The following E2F3 variants were observed in gnomAD, a reference collection of about 807,000 sequenced individuals.
E2F3 encodes the protein transcription factor E2F3.
Under a neutral mutation model 44.4 loss-of-function variants are expected in E2F3, and 11 were observed. The ratio of observed to expected loss-of-function variants is 0.25; its 90% CI spans 0.16 to 0.41. E2F3 has a LOEUF of 0.41. E2F3 is among the 10% of genes least tolerant of loss of function. The probability of loss-of-function intolerance (pLI) is 1.00; values close to 1 mark genes in which losing one functional copy is unlikely to be tolerated. For synonymous variants in E2F3, 249 were observed against 253.0 expected (o/e 0.98, Z 0.15); for missense variants, 487 against 583.6 (o/e 0.83, Z 1.70).
chr6:20,403,280 T>C (rs920424535), intron 1 of E2F3, among the ~76,000 whole-genome samples: 1 of 151,268 alleles, frequency 6.6e-6, no homozygotes, highest in Non-Finnish European at 1.5e-5. Context: ...CTGTCTGGGG[T>C]GAGGGGCTCG....
intron 1 of E2F3, among the ~76,000 whole-genome samples, chr6:20,463,714 C>T (rs1362271490): frequency 6.6e-6 from 1 of 152,170 alleles, no homozygotes; most frequent in Non-Finnish European, 1.5e-5. Context: ...GGGGTACTTT[C>T]CCTAGACATC....
At chr6:20,469,367 T>C (rs1030253415) in intron 1 of E2F3, among the ~76,000 whole-genome samples, 1 of 152,216 alleles carries the variant, frequency 6.6e-6, no homozygotes, top group African/African-American at 2.4e-5. Flanking sequence ...GCATATCACT[T>C]AGAGATACAG....
intron 1 of E2F3, among the ~76,000 whole-genome samples, chr6:20,446,691 G>A (rs985146560): frequency 4.6e-5 from 7 of 152,204 alleles, no homozygotes; most frequent in Non-Finnish European, 7.4e-5. Flanking sequence ...TCAGCCTCCC[G>A]AGTAGCTGGG....
intron 1 of E2F3, among the ~76,000 whole-genome samples, chr6:20,460,532 T>C (rs550663736): frequency 8.5e-5 from 13 of 152,226 alleles, no homozygotes; most frequent in African/African-American, 2.9e-4. Flanking sequence ...GATAAAATGG[T>C]TTATTTAACC....
chr6:20,428,842 T>C (rs994500715), intron 1 of E2F3, among the ~76,000 whole-genome samples: 3 of 152,194 alleles, frequency 2.0e-5, no homozygotes, highest in Non-Finnish European at 2.9e-5. Flanking sequence ...CAGCTTTTTT[T>C]CCCCCTTTTG....
At chr6:20,481,591 G>T (rs1032803140) in intron 3 of E2F3, among the ~76,000 whole-genome samples, 166 bp downstream of exon 3, 3 of 152,028 alleles carry the variant, frequency 2.0e-5, no homozygotes, top group African/African-American at 7.3e-5. Context: ...TAAGCCAGAA[G>T]TTTGAAGTCT....
intron 1 of E2F3, among the ~76,000 whole-genome samples, chr6:20,413,929 G>A (rs1197922644): frequency 6.6e-6 from 1 of 152,174 alleles, no homozygotes; most frequent in East Asian, 1.9e-4. Flanking sequence ...TAACTCCAGG[G>A]GCTGGAAGAA....
rs142727496 is a variant in E2F3, at chr6:20,457,689, C to T, written c.394-22157C>T. ...CCTCCTGAGAAGTCCTTGTTCTGCA[C>T]GAGCTAAAATTCCCATTCAAATAAA... On this transcript the variant is annotated intron_variant, in intron 1 of 6. Coordinates refer to ENST00000346618, the MANE Select transcript of E2F3 (RefSeq NM_001949.5). Among the ~76,000 whole-genome samples the T allele has an allele frequency of 3.2e-4, 48 of 152,098 alleles. 1 individual carries two copies. The highest frequency in any genetic ancestry group is 6.6e-4 in the Non-Finnish European group (45 of 68,014).
rs1249449188 is a variant in E2F3, at chr6:20,492,728, T to A, written c.*2298T>A. On this transcript the variant is annotated 3_prime_UTR_variant, in exon 7 of 7. Transcript: ENST00000346618. ...AAGGAATACTAATAAGTCTTAAAAG[T>A]TCCTTCATGCATAAGATTTTTTTCC... 1 of 231,196 alleles carries A rather than the reference T, an allele frequency of 4.3e-6. No individual in the cohort carries two copies. Among genetic ancestry groups the A allele is most frequent in the Non-Finnish European group, 8.6e-6 (1 of 116,488 alleles). The allele number at this position is 231,196 out of a possible 1,614,324, so 14.3% of individuals were successfully genotyped here. A position where few individuals can be genotyped will look rare whatever the true frequency, so the allele number is the denominator to read the frequency against.
At chr6:20,437,119 C>T (rs955619568) in intron 1 of E2F3, among the ~76,000 whole-genome samples, 7 of 152,196 alleles carry the variant, frequency 4.6e-5, no homozygotes, top group African/African-American at 1.7e-4. Context: ...CAGAGTAAGA[C>T]TCAGTCTCTT....
At chr6:20,432,686 G>A (rs934852424) in intron 1 of E2F3, among the ~76,000 whole-genome samples, 3 of 152,184 alleles carry the variant, frequency 2.0e-5, no homozygotes, top group African/African-American at 7.2e-5. Context: ...GATAGATGGA[G>A]GGAAGGTTAG....
At chr6:20,428,684 C>T (rs535954923) in intron 1 of E2F3, among the ~76,000 whole-genome samples, 13 of 152,208 alleles carry the variant, frequency 8.5e-5, no homozygotes, top group Non-Finnish European at 1.2e-4. Flanking sequence ...GTGCTGAAAA[C>T]AGGTCTCTTG....
chr6:20,469,404 G>C (rs752320895), intron 1 of E2F3, among the ~76,000 whole-genome samples: 1 of 152,182 alleles, frequency 6.6e-6, no homozygotes, highest in East Asian at 1.9e-4. Flanking sequence ...AAATAGTAAA[G>C]GTGGTTCCCC....
chr6:20,486,075 A>G (rs919606754), intron 4 of E2F3, among the ~76,000 whole-genome samples: 1 of 152,146 alleles, frequency 6.6e-6, no homozygotes, highest in Non-Finnish European at 1.5e-5. Context: ...TCAAGATAAA[A>G]TTTCTGACCA....
At chr6:20,433,087 C>T (rs539914669) in intron 1 of E2F3, among the ~76,000 whole-genome samples, 1 of 152,348 alleles carries the variant, frequency 6.6e-6, no homozygotes, top group South Asian at 2.1e-4. Context: ...TGTTGCCCGA[C>T]GCTCACTAGG....
chr6:20,481,146 C>G (rs187344631), intron 2 of E2F3, 60 bp from the exon 3 acceptor site: 849 of 1,494,222 alleles, frequency 5.7e-4, no homozygotes, highest in Non-Finnish European at 7.5e-4. Flanking sequence ...GCAAAGACAC[C>G]CTTCATTTCT....
rs369511194 is a variant in E2F3 at position 20,422,761 on chromosome 6, G to C, written c.393+20136G>C. Among the ~76,000 whole-genome samples the C allele has an allele frequency of 2.6e-3, 391 of 152,238 alleles. 3 individuals are homozygous for C. Among genetic ancestry groups the C allele is most frequent in the African/African-American group, 8.2e-3 (339 of 41,520 alleles). ...TGGAGCATTCAGAACACGCACAATG[G>C]CTATCAATTAAGTTTGCCATTATAT... On this transcript the variant is annotated intron_variant, in intron 1 of 6. Coordinates refer to ENST00000346618, the MANE Select transcript of E2F3 (RefSeq NM_001949.5).
chr6:20,456,973 T>C (rs1761326311), intron 1 of E2F3, among the ~76,000 whole-genome samples: 2 of 152,168 alleles, frequency 1.3e-5, no homozygotes, highest in Admixed American at 6.5e-5. Flanking sequence ...ATGAACTCAC[T>C]TTGCCCACAG....
intron 1 of E2F3, among the ~76,000 whole-genome samples, chr6:20,473,383 T>C (rs972905142): frequency 6.6e-6 from 1 of 152,220 alleles, no homozygotes; most frequent in African/African-American, 2.4e-5. Flanking sequence ...ACCTCCCTTT[T>C]CTTCTATAAA....
Sources: gnomAD v4.1 joint callset for allele counts (sites outside exome capture counted in the v4.1 genomes callset) on GRCh38, gnomAD v4.1.1 for gene constraint, MANE v1.5 for transcripts, NCBI Gene and HGNC (gene_info 2026-07-23, HGNC 2026-07-21) for gene names.